The following PCDHGA10 variants were observed in gnomAD, a reference collection of about 807,000 sequenced individuals.
PCDHGA10 encodes the protein protocadherin gamma subfamily A, 10.
PCDHGA10 carries 42 observed loss-of-function variants against 59.5 expected under a neutral mutation model. The observed-to-expected ratio is 0.71, with a 90% CI of 0.55 to 0.91. The LOEUF is 0.91. PCDHGA10 is among the 40% of genes least tolerant of loss of function. The pLI is 0.00. For missense variants in PCDHGA10, 1,111 were observed against 1,198.2 expected (o/e 0.93, Z 1.07); for synonymous variants, 511 against 517.2 (o/e 0.99, Z 0.16).
chr5:141,479,003 C>T (rs2099485569), intron 1 of PCDHGA10, among the ~76,000 whole-genome samples: 1 of 152,176 alleles, frequency 6.6e-6, no homozygotes, highest in South Asian at 2.1e-4. Context: ...AAACTAATAG[C>T]TTTTTGATAA....
Position 141,490,413 on chromosome 5 carries a change from G to A in PCDHGA10, c.2437-4394G>A, listed in dbSNP as rs2233606. On this transcript the variant is annotated intron_variant, in intron 1 of 3. Transcript: ENST00000398610. The surrounding 1 kb of genome is among the most constrained non-coding windows in gnomAD (Gnocchi z 5.4). ...GTGAAGTGAGCCTTGATATCTCTCC[G>A]GACCTGCCATTTCAGATTAAGCCTT... 2.3e-3 allele frequency: 3,787 copies of A among 1,614,128 alleles called. 38 individuals are homozygous for A. In the African/African-American group the frequency reaches 0.027, roughly 12 times the overall value.
chr5:141,415,409 TG>T lies in PCDHGA10; in HGVS notation c.2237del (p.Gly746AlafsTer27), dbSNP rs763291157. The T allele has an allele frequency of 6.2e-7, 1 of 1,614,208 alleles. No individual in the cohort carries two copies. Among genetic ancestry groups the T allele is most frequent in the Non-Finnish European group, 8.5e-7 (1 of 1,180,036 alleles). On this transcript the variant is annotated frameshift_variant, in exon 1 of 4. Transcript: ENST00000398610. LOFTEE classifies it high-confidence loss of function. ...GLTGVSGSHF[V>X]GVDGVRAFLQ... ...ACAGGTGTGTCCGGCTCGCACTTTGTGGGCGTGGACGGGGTTCGGGCTTTCC... is the reference window on the plus strand; with the variant it reads ...ACAGGTGTGTCCGGCTCGCACTTTGTGGCGTGGACGGGGTTCGGGCTTTCC...
rs749499883 is a variant in PCDHGA10 at position 141,486,382 on chromosome 5, C to T, written c.2437-8425C>T. ...TTGCCCTCAAGTCTGCCTTCAGGAA[C>T]CAGTTCTCCCTGGTGACTGCTGGAC... is the stretch of plus-strand genomic sequence containing the variant. On this transcript the variant is annotated intron_variant, in intron 1 of 3. Transcript: ENST00000398610. The surrounding 1 kb of genome is among the most constrained non-coding windows in gnomAD (Gnocchi z 5.0). 25 of 1,613,986 alleles carry T rather than the reference C, an allele frequency of 1.5e-5. No homozygotes were observed. The highest frequency in any genetic ancestry group is 1.9e-5 in the Non-Finnish European group (23 of 1,179,998).
intron 1 of PCDHGA10, among the ~76,000 whole-genome samples, chr5:141,482,238 A>G (rs560354311): frequency 8.5e-5 from 13 of 152,304 alleles, no homozygotes; most frequent in African/African-American, 2.9e-4. Context: ...TTGCCAATAT[A>G]AGTATAGTAC....
chr5:141,481,096 T>C (rs1162625304), intron 1 of PCDHGA10, among the ~76,000 whole-genome samples: 2 of 152,150 alleles, frequency 1.3e-5, no homozygotes, highest in East Asian at 1.9e-4. Flanking sequence ...AAAGCAGTAC[T>C]CTGGAACCTA....
chr5:141,492,396 A>G (rs1400291073), intron 1 of PCDHGA10, among the ~76,000 whole-genome samples: 1 of 152,188 alleles, frequency 6.6e-6, no homozygotes, highest in Non-Finnish European at 1.5e-5. Flanking sequence ...GTCCACTCGC[A>G]GCTCCCCTCT....
intron 1 of PCDHGA10, among the ~76,000 whole-genome samples, chr5:141,482,089 CA>C (rs36035257): frequency 0.43 from 58,297 of 134,322 alleles, 12,050 homozygotes; most frequent in African/African-American, 0.53. Context: ...CACTCCATCT[CA>C]AAAAAAAAAA....
At chr5:141,446,894 A>C (rs1413761456) in intron 1 of PCDHGA10, among the ~76,000 whole-genome samples, 3 of 152,118 alleles carry the variant, frequency 2.0e-5, no homozygotes, top group Non-Finnish European at 2.9e-5. Flanking sequence ...TTCATGGCTG[A>C]GCTACTTTTG....
chr5:141,426,766 T>C (rs2096958771), intron 1 of PCDHGA10: 1 of 456,532 alleles, frequency 2.2e-6, no homozygotes, highest in South Asian at 1.5e-5. Flanking sequence ...GATGCAGATG[T>C]AGGGCCTCAC....
rs1246198657 is a variant in PCDHGA10 at position 141,505,401 on chromosome 5, A to T, written c.2504A>T (p.Asn835Ile). The change falls in exon 3 of 4, where the codon AAT (asparagine) becomes ATT (isoleucine). Residue 835 changes from asparagine (N) to isoleucine (I), a missense_variant. By Grantham distance (149) the Asn-to-Ile change is moderately radical (BLOSUM62 -3). Transcript: ENST00000398610. Reference protein sequence around the residue: ...AQRPGTSGSQNGDDTGTWPNN... With the variant: ...AQRPGTSGSQIGDDTGTWPNN... ...TCCTACTCTCTCCCCAGCTCCCAAA[A>T]TGGCGATGACACCGGCACCTGGCCC... is the stretch of plus-strand genomic sequence containing the variant. The T allele has an allele frequency of 6.2e-7, 1 of 1,614,058 alleles. No individual in the cohort carries two copies. Among genetic ancestry groups the T allele is most frequent in the African/African-American group, 1.3e-5 (1 of 74,922 alleles).
chr5:141,458,551 T>A (rs1019302178), intron 1 of PCDHGA10, among the ~76,000 whole-genome samples: 1 of 148,194 alleles, frequency 6.7e-6, no homozygotes, highest in Non-Finnish European at 1.5e-5. Flanking sequence ...TTTGTTTGTT[T>A]GTTTTGGTTT....
intron 1 of PCDHGA10, among the ~76,000 whole-genome samples, chr5:141,452,299 A>G (rs2098738116): frequency 6.6e-6 from 1 of 152,176 alleles, no homozygotes; most frequent in African/African-American, 2.4e-5. Flanking sequence ...ATAAGAAAAT[A>G]TTAGAGACTC....
At chr5:141,464,862 C>T (rs1166573359) in intron 1 of PCDHGA10, among the ~76,000 whole-genome samples, 1 of 152,076 alleles carries the variant, frequency 6.6e-6, no homozygotes, top group African/African-American at 2.4e-5. Context: ...CCTTAGCCTC[C>T]CAAGTAGCTA....
intron 1 of PCDHGA10, among the ~76,000 whole-genome samples, chr5:141,474,263 A>C (rs964712807): frequency 6.6e-6 from 1 of 152,188 alleles, no homozygotes; most frequent in Non-Finnish European, 1.5e-5. Context: ...CTGATAAACC[A>C]GTGTATCTCT....
intron 1 of PCDHGA10, chr5:141,441,731 C>G: frequency 2.8e-6 from 1 of 362,226 alleles, no homozygotes; most frequent in South Asian, 2.2e-5. Context: ...GCGACCAGGA[C>G]TAGCTCGCGC....
rs374572942 is a variant in PCDHGA10 at position 141,415,030 on chromosome 5, G to A, written c.1855G>A (p.Gly619Arg). 1.2e-6 allele frequency: 2 copies of A among 1,613,460 alleles called. No individual in the cohort carries two copies. The highest frequency in any genetic ancestry group is 2.7e-5 in the African/African-American group (2 of 74,946). ...SYRLLKASEPGLFAVGEHTGE... is the reference protein window; with the variant it reads ...SYRLLKASEPRLFAVGEHTGE... The stretch of plus-strand genomic sequence containing the variant: ...CCGTCTGCTCAAGGCCAGCGAGCCG[G>A]GACTCTTCGCGGTGGGGGAGCACAC... The change falls in exon 1 of 4, where the codon GGA becomes AGA. Residue 619 changes from glycine (G) to arginine (R), a missense_variant. Physicochemically the swap from Gly to Arg is moderately radical, Grantham distance 125. Transcript: ENST00000398610.
rs1448671585 is a variant in PCDHGA10 at position 141,413,702 on chromosome 5, T to G, written c.527T>G (p.Leu176Arg). ...VGVNSLQSYQ[L>R]SPNKHFSLRV... Reference sequence around the variant, plus strand: ...GTGAACTCCCTGCAGAGCTATCAGCTCAGCCCCAATAAGCACTTCTCCCTA... The same window carrying G: ...GTGAACTCCCTGCAGAGCTATCAGCGCAGCCCCAATAAGCACTTCTCCCTA... The change falls in exon 1 of 4, where the codon CTC becomes CGC. Residue 176 changes from leucine (L) to arginine (R), a missense_variant. Transcript: ENST00000398610. The G allele has an allele frequency of 2.5e-6, 4 of 1,613,606 alleles. No individual in the cohort carries two copies. Among genetic ancestry groups the G allele is most frequent in the Non-Finnish European group, 3.4e-6 (4 of 1,179,894 alleles).
chr5:141,485,192 A>T lies in PCDHGA10; in HGVS notation c.2437-9615A>T. 1.2e-6 allele frequency: 2 copies of T among 1,613,942 alleles called. No individual in the cohort carries two copies. Among genetic ancestry groups the T allele is most frequent in the African/African-American group, 2.7e-5 (2 of 75,048 alleles). On this transcript the variant is annotated intron_variant, in intron 1 of 3. Transcript: ENST00000398610. The surrounding 1 kb of genome is among the most constrained non-coding windows in gnomAD (Gnocchi z 5.7). ...GGCAGCAATGCTCCGCAAGGTGAGA[A>T]GCTGGACAGAAATCTGGCGGTGGGC... is the stretch of plus-strand genomic sequence containing the variant.
intron 1 of PCDHGA10, among the ~76,000 whole-genome samples, chr5:141,456,745 A>T (rs573105679): frequency 6.6e-6 from 1 of 151,920 alleles, no homozygotes; most frequent in South Asian, 2.1e-4. Context: ...CGGGAGCATC[A>T]TGAGGTCAGG....
Sources: gnomAD v4.1 joint callset for allele counts (sites outside exome capture counted in the v4.1 genomes callset) on GRCh38, gnomAD v4.1.1 for gene constraint, Gnocchi (gnomAD v3.1) non-coding constraint, MANE v1.5 for transcripts, NCBI Gene and HGNC (gene_info 2026-07-23, HGNC 2026-07-21) for gene names.